The following FAF1 variants were observed in gnomAD, a reference collection of about 807,000 sequenced individuals.
The protein encoded by FAF1 is FAS-associated factor 1.
Under a neutral mutation model 92.5 loss-of-function variants are expected in FAF1, and 25 were observed. The ratio of observed to expected loss-of-function variants is 0.27; its 90% CI spans 0.20 to 0.38. FAF1 has a LOEUF of 0.38. Among genes scored for constraint, FAF1 ranks in the 10% least tolerant of loss-of-function variants. FAF1 has a pLI of 1.00. For missense variants in FAF1, 636 were observed against 793.3 expected, an observed-to-expected ratio of 0.80 and a Z score of 2.38; for synonymous variants, 234 against 273.2, an observed-to-expected ratio of 0.86 and a Z score of 1.42.
chr1:50,820,232 T>C (rs761741934), intron 2 of FAF1, among the ~76,000 whole-genome samples: 1 of 152,134 alleles, frequency 6.6e-6, no homozygotes, highest in Non-Finnish European at 1.5e-5. Flanking sequence ...AATGTGAACA[T>C]AGTTAATGTC....
chr1:50,893,893 AC>A (rs1292899208), intron 1 of FAF1, among the ~76,000 whole-genome samples: 133 of 152,224 alleles, frequency 8.7e-4, no homozygotes, highest in African/African-American at 3.1e-3. Flanking sequence ...CTGAACTGGC[AC>A]TCAAACCACA....
chr1:50,949,595 T>C (rs184931334), intron 1 of FAF1, among the ~76,000 whole-genome samples: 1 of 152,336 alleles, frequency 6.6e-6, no homozygotes, highest in Admixed American at 6.5e-5. Flanking sequence ...TGCAGTCAAC[T>C]ACTCAACTCT....
intron 1 of FAF1, among the ~76,000 whole-genome samples, chr1:50,925,376 T>C (rs1644996779): frequency 6.6e-6 from 1 of 151,822 alleles, no homozygotes. Context: ...AGTTAAGAGA[T>C]AACCTGTAGA....
intron 2 of FAF1, among the ~76,000 whole-genome samples, chr1:50,841,192 T>C (rs1220211821): frequency 6.6e-6 from 1 of 151,992 alleles, no homozygotes; most frequent in Non-Finnish European, 1.5e-5. Context: ...TGATAACGAA[T>C]GAAAAAGATC....
At chr1:50,876,347 T>C (rs937394757) in intron 1 of FAF1, among the ~76,000 whole-genome samples, 6 of 152,186 alleles carry the variant, frequency 3.9e-5, no homozygotes, top group African/African-American at 1.4e-4. Flanking sequence ...ATACCACTGT[T>C]CAATAAAAGG....
intron 7 of FAF1, among the ~76,000 whole-genome samples, chr1:50,702,527 C>T (rs143053121): frequency 1.3e-3 from 197 of 152,118 alleles, no homozygotes; most frequent in Non-Finnish European, 2.0e-3. Context: ...AAAGATTTTT[C>T]GTCTTTAAGA....
At chr1:50,554,415 A>AGT (rs1557992846) in intron 13 of FAF1, among the ~76,000 whole-genome samples, 4 of 148,040 alleles carry the variant, frequency 2.7e-5, no homozygotes, top group African/African-American at 5.0e-5. Flanking sequence ...AGAGAGAGAG[A>AGT]GTCTTAAATT....
intron 6 of FAF1, among the ~76,000 whole-genome samples, chr1:50,738,530 C>A (rs1355548486): frequency 6.6e-6 from 1 of 150,992 alleles, no homozygotes; most frequent in Admixed American, 6.6e-5. Context: ...GGTATGCTTT[C>A]TTTAGCAATG....
At chr1:50,577,841 T>C (rs1572846112) in intron 12 of FAF1, among the ~76,000 whole-genome samples, 2 of 152,290 alleles carry the variant, frequency 1.3e-5, no homozygotes. Context: ...AAAAGAAACA[T>C]GAAAACTTAG....
chr1:50,874,758 C>CTTTTTTTTTTTT (rs755424291), intron 1 of FAF1, among the ~76,000 whole-genome samples: 9 of 67,230 alleles, frequency 1.3e-4, no homozygotes, highest in African/African-American at 2.5e-4. Context: ...TCTTTTCTTT[C>CTTTTTTTTTTTT]TTTTTTTTTT....
chr1:50,831,385 G>A (rs1211512418), intron 2 of FAF1, among the ~76,000 whole-genome samples: 1 of 152,076 alleles, frequency 6.6e-6, no homozygotes, highest in East Asian at 1.9e-4. Flanking sequence ...AACAAATATA[G>A]AATCTGTCTT....
chr1:50,793,657 C>T (rs148890459), intron 3 of FAF1, among the ~76,000 whole-genome samples: 115 of 152,304 alleles, frequency 7.6e-4, no homozygotes, highest in African/African-American at 2.6e-3. Flanking sequence ...TTTGTAAGCA[C>T]TGGGACGTGC....
chr1:50,802,061 A>C (rs990069436), intron 2 of FAF1, among the ~76,000 whole-genome samples: 30 of 152,106 alleles, frequency 2.0e-4, no homozygotes, highest in African/African-American at 7.2e-4. Flanking sequence ...TAAAATCACA[A>C]ATGAATGTAT....
rs1572780232 is a variant in FAF1, at chr1:50,490,451, GGAA to G, written c.1653+134_1653+136del. ...AGGAAGGAAGGAAGGAAGGAAGGAA[GGAA>G]GGAAGGAAAAAGAAAGAAGGAAGGA... is the stretch of plus-strand genomic sequence containing the variant. On this transcript the variant is annotated intron_variant, in intron 17 of 18. Transcript: ENST00000396153. 42 of 295,702 alleles carry G rather than the reference GGAA, an allele frequency of 1.4e-4. 1 individual carries two copies. The highest frequency in any genetic ancestry group is 1.3e-3 in the East Asian group (38 of 29,536). 18.3% of individuals were successfully genotyped at this position (295,702 alleles called of 1,614,324 possible). A position where few individuals can be genotyped will look rare whatever the true frequency, so the allele number is the denominator to read the frequency against.
chr1:50,526,705 G>A lies in FAF1; in HGVS notation c.1494+8664C>T, dbSNP rs572816264. The stretch of plus-strand genomic sequence containing the variant: ...TTCTCTTGAGTATATAACTAGGAGT[G>A]GAATTGCTGGATTACATGGTAACTA... On this transcript the variant is annotated intron_variant, in intron 15 of 18. Coordinates refer to ENST00000396153, the MANE Select transcript of FAF1 (RefSeq NM_007051.3). Among the ~76,000 whole-genome samples, 3 of 152,166 alleles carry A rather than the reference G, an allele frequency of 2.0e-5. No individual in the cohort carries two copies. In the South Asian group the frequency reaches 6.2e-4, roughly 32 times the overall value.
chr1:50,754,450 C>T (rs1659995401), intron 4 of FAF1, among the ~76,000 whole-genome samples: 1 of 152,154 alleles, frequency 6.6e-6, no homozygotes, highest in Non-Finnish European at 1.5e-5. Flanking sequence ...GACACTATTA[C>T]CAATTTTGTT....
At chr1:50,657,746 T>C (rs551662488) in intron 7 of FAF1, among the ~76,000 whole-genome samples, 1 of 152,176 alleles carries the variant, frequency 6.6e-6, no homozygotes, top group Non-Finnish European at 1.5e-5. Flanking sequence ...GAGATACTAG[T>C]TCACTACGGA....
intron 1 of FAF1, among the ~76,000 whole-genome samples, chr1:50,874,011 G>C (rs1267597122): frequency 6.6e-6 from 1 of 152,182 alleles, no homozygotes; most frequent in African/African-American, 2.4e-5. Context: ...AGCAACTGTA[G>C]AAATGATGCA....
chr1:50,863,072 T>A (rs143382649), intron 1 of FAF1, among the ~76,000 whole-genome samples: 15 of 152,086 alleles, frequency 9.9e-5, no homozygotes, highest in African/African-American at 3.1e-4. Flanking sequence ...ATTCTATTCA[T>A]CAGTACATGG....
Sources: allele counts gnomAD v4.1 joint callset (sites outside exome capture counted in the v4.1 genomes callset), GRCh38; gene constraint gnomAD v4.1.1; transcripts MANE v1.5; gene names NCBI Gene and HGNC (gene_info 2026-07-23, HGNC 2026-07-21).